Variants in PRKCZ observed in about 807,000 individuals in gnomAD.
The protein encoded by PRKCZ is protein kinase C zeta, also known as protein kinase C zeta type.
A neutral mutation model predicts 79.5 loss-of-function variants in PRKCZ; 33 were observed. The observed-to-expected ratio is 0.41, with a 90% CI of 0.31 to 0.55. PRKCZ has a LOEUF of 0.55. PRKCZ is among the 20% of genes least tolerant of loss of function. The probability of loss-of-function intolerance (pLI) is 0.19; values close to 1 mark genes in which losing one functional copy is unlikely to be tolerated. For synonymous variants in PRKCZ, 342 were observed against 320.9 expected (o/e 1.07, Z -0.70); for missense variants, 578 against 813.5 (o/e 0.71, Z 3.52).
At chr1:2,109,850 C>T (rs1669368896) in intron 4 of PRKCZ, among the ~76,000 whole-genome samples, 1 of 152,212 alleles carries the variant, frequency 6.6e-6, no homozygotes, top group Non-Finnish European at 1.5e-5. Context: ...AAGCCGTCAT[C>T]CTGGAGCCGG....
chr1:2,073,696 G>A (rs1170757117), intron 4 of PRKCZ: 8 of 992,386 alleles, frequency 8.1e-6, no homozygotes, highest in Non-Finnish European at 9.6e-6. Context: ...GGGGAGCCGG[G>A]TACCACCCGG....
intron 4 of PRKCZ, among the ~76,000 whole-genome samples, chr1:2,067,564 G>A (rs542523887): frequency 2.4e-4 from 37 of 152,280 alleles, no homozygotes; most frequent in South Asian, 2.1e-3. Flanking sequence ...GTAATCGGGC[G>A]GTGGAGCTGG....
At chr1:2,132,548 G>A (rs527325992) in intron 4 of PRKCZ, among the ~76,000 whole-genome samples, 1 of 152,342 alleles carries the variant, frequency 6.6e-6, no homozygotes, top group African/African-American at 2.4e-5. Context: ...AGACGCCTGG[G>A]CGGCCTTGCG....
chr1:2,133,904 G>C (rs3128294), intron 4 of PRKCZ: 102,980 of 151,562 alleles, frequency 0.68, 35,649 homozygotes, highest in African/African-American at 0.83. Context: ...CACATGAGGG[G>C]TCACCCGACC....
chr1:2,108,272 G>A (rs1404672946), intron 4 of PRKCZ, among the ~76,000 whole-genome samples: 2 of 152,322 alleles, frequency 1.3e-5, no homozygotes, highest in Admixed American at 6.5e-5. Flanking sequence ...GCCCCTGCCC[G>A]CTCACCTGTT....
intron 4 of PRKCZ, among the ~76,000 whole-genome samples, chr1:2,093,014 C>T (rs981735400): frequency 3.3e-5 from 5 of 152,236 alleles, no homozygotes; most frequent in African/African-American, 1.2e-4. Context: ...TGCCACCTCA[C>T]CCCCCAGTTA....
At chr1:2,155,327 GGTAGTGGTGATGACA>G (rs1680766511) in intron 9 of PRKCZ, among the ~76,000 whole-genome samples, 1 of 152,034 alleles carries the variant, frequency 6.6e-6, no homozygotes, top group African/African-American at 2.4e-5. Context: ...CAGTGATGAT[GGTAGTGGTGATGACA>G]ATGGTGGTGA....
rs777236443 is a variant in PRKCZ at position 2,175,248 on chromosome 1, C to T, written c.1510C>T (p.Arg504Trp). The change falls in exon 16 of 18, where the codon CGG becomes TGG. Residue 504 changes from arginine to tryptophan, a missense_variant. By Grantham distance (101) the Arg-to-Trp change is moderately radical. This residue lies in a region of PRKCZ where 243 missense variants were observed against 467.0 expected (regional missense o/e 0.52). Coordinates refer to ENST00000378567, the MANE Select transcript of PRKCZ (RefSeq NM_002744.6). ...NKDPKERLGC[R>W]PQTGFSDIKS... ...GGACCCCAAAGAGAGGCTCGGCTGC[C>T]GGCCACAGACTGGATTTTCTGACAT... 7.4e-6 allele frequency: 12 copies of T among 1,613,634 alleles called. No homozygotes were observed. Among genetic ancestry groups the T allele is most frequent in the Middle Eastern group, 1.6e-4 (1 of 6,084 alleles).
chr1:2,117,506 C>G (rs1397237373), intron 4 of PRKCZ, among the ~76,000 whole-genome samples: 1 of 152,074 alleles, frequency 6.6e-6, no homozygotes, highest in Admixed American at 6.5e-5. Context: ...TTGTCAGTGA[C>G]CGGCTGTTTG....
At chr1:2,059,613 G>T (rs760610662) in intron 4 of PRKCZ, 22 bp downstream of exon 4, 1 of 1,613,550 alleles carries the variant, frequency 6.2e-7, no homozygotes, top group African/African-American at 1.3e-5. Context: ...GGTTTCCTAC[G>T]CCGGTCTCGC....
intron 5 of PRKCZ, among the ~76,000 whole-genome samples, chr1:2,136,233 T>A (rs1676177361): frequency 6.6e-6 from 1 of 152,160 alleles, no homozygotes; most frequent in African/African-American, 2.4e-5. Context: ...GAAGTTCTGT[T>A]CATGTGAGCC....
intron 4 of PRKCZ, among the ~76,000 whole-genome samples, chr1:2,109,665 G>A (rs1156901677): frequency 1.3e-5 from 2 of 152,170 alleles, no homozygotes; most frequent in South Asian, 2.1e-4. Context: ...GGCAGCTCAC[G>A]CCCACTGCAG....
rs549637276 is a variant in PRKCZ at position 2,163,417 on chromosome 1, A to C, written c.975-6101A>C. Among the ~76,000 whole-genome samples, 6 of 152,330 alleles carry C rather than the reference A, an allele frequency of 3.9e-5. No individual in the cohort carries two copies. In the East Asian group the frequency reaches 1.2e-3, roughly 29 times the overall value. ...GGCCCATCATCTGGTCTCTGAGGAC[A>C]CCTGCTGGCAAAGGCCCTGGCAATG... is the stretch of plus-strand genomic sequence containing the variant. On this transcript the variant is annotated intron_variant, in intron 10 of 17. Transcript: ENST00000378567.
At chr1:2,132,273 C>T (rs1185836146) in intron 4 of PRKCZ, among the ~76,000 whole-genome samples, 1 of 152,214 alleles carries the variant, frequency 6.6e-6, no homozygotes, top group Admixed American at 6.5e-5. Context: ...CCGTTGGACG[C>T]CCACACATCG....
In PRKCZ at chr1:2,149,815, C is replaced by T. The variant is rs1032482512; in HGVS notation, c.687+891C>T. 6.6e-6 allele frequency among the ~76,000 whole-genome samples: 1 copy of T among 151,890 alleles called. No homozygotes were observed. The highest frequency in any genetic ancestry group is 1.5e-5 in the Non-Finnish European group (1 of 67,976). The stretch of plus-strand genomic sequence containing the variant: ...GGTGGAGGCTGCAGTGAGCTGAGAT[C>T]GCACCACTGCACTCCAGCCTGGGCG... On this transcript the variant is annotated intron_variant, in intron 8 of 17. Coordinates refer to ENST00000378567, the MANE Select transcript of PRKCZ (RefSeq NM_002744.6). The surrounding 1 kb of genome is among the most constrained non-coding windows in gnomAD (Gnocchi z 4.1).
At chr1:2,117,269 T>C (rs780148370) in intron 4 of PRKCZ, among the ~76,000 whole-genome samples, 8 of 152,152 alleles carry the variant, frequency 5.3e-5, no homozygotes, top group Non-Finnish European at 1.2e-4. Context: ...TTCAATAATA[T>C]TTTGTAGTCT....
At chr1:2,106,700 C>T (rs12749493) in intron 4 of PRKCZ, among the ~76,000 whole-genome samples, 3,886 of 48,042 alleles carry the variant, frequency 0.081, 945 homozygotes, top group Admixed American at 0.17. Context: ...CAAGCCCCTC[C>T]GGTGGGCGAG....
chr1:2,095,744 C>T (rs1666357131), intron 4 of PRKCZ, among the ~76,000 whole-genome samples: 1 of 144,904 alleles, frequency 6.9e-6, no homozygotes, highest in African/African-American at 2.6e-5. Context: ...TTTCCGCTCC[C>T]CTCCTCTCCC....
intron 4 of PRKCZ, among the ~76,000 whole-genome samples, chr1:2,086,064 T>C (rs1452614142): frequency 6.6e-6 from 1 of 151,710 alleles, no homozygotes; most frequent in African/African-American, 2.4e-5. Context: ...CCTTTTTTTT[T>C]TTTTTTTTTT....
Sources: allele counts gnomAD v4.1 joint callset (sites outside exome capture counted in the v4.1 genomes callset), GRCh38; gene constraint gnomAD v4.1.1; regional missense constraint gnomAD v4.1.1; non-coding constraint Gnocchi (gnomAD v3.1); transcripts MANE v1.5; gene names NCBI Gene and HGNC (gene_info 2026-07-23, HGNC 2026-07-21).